The following ZNF713 variants were observed in gnomAD, a reference collection of about 807,000 sequenced individuals.
The protein encoded by ZNF713 is zinc finger protein 713.
ZNF713 carries 21 observed loss-of-function variants against 28.7 expected under a neutral mutation model. That is an observed-to-expected ratio of 0.73 (90% confidence interval 0.52 to 1.05). ZNF713 has a LOEUF of 1.05. ZNF713 is among the 50% of genes least tolerant of loss of function. ZNF713 has a pLI of 0.00. For missense variants in ZNF713, 458 were observed against 532.4 expected (o/e 0.86, Z 1.37); for synonymous variants, 167 against 178.0 (o/e 0.94, Z 0.49).
At chr7:55,916,492 T>A (rs1315036173) in intron 4 of ZNF713, among the ~76,000 whole-genome samples, 1 of 152,248 alleles carries the variant, frequency 6.6e-6, no homozygotes, top group Non-Finnish European at 1.5e-5. Context: ...ATTTACCCAG[T>A]TATGCTGTTT....
chr7:55,932,037 A>G (rs998646950), intron 6 of ZNF713, among the ~76,000 whole-genome samples: 11 of 152,330 alleles, frequency 7.2e-5, no homozygotes, highest in African/African-American at 2.6e-4. Flanking sequence ...GGCTGAAAAG[A>G]AAGTGTTCCA....
At chr7:55,933,427 C>G (rs1056352235) in intron 6 of ZNF713, among the ~76,000 whole-genome samples, 2 of 151,470 alleles carry the variant, frequency 1.3e-5, no homozygotes, top group African/African-American at 4.8e-5. Flanking sequence ...TCCCGAGTAG[C>G]TGGGATTACA....
intron 6 of ZNF713, among the ~76,000 whole-genome samples, chr7:55,932,453 A>T (rs1378267452): frequency 4.7e-5 from 7 of 150,044 alleles, no homozygotes; most frequent in African/African-American, 1.7e-4. Context: ...TGAGCCCAGG[A>T]GGTCAAAGCT....
chr7:55,892,550 C>T (rs995635321), intron 1 of ZNF713, among the ~76,000 whole-genome samples: 1 of 87,298 alleles, frequency 1.1e-5, no homozygotes, highest in Non-Finnish European at 2.1e-5. Flanking sequence ...CTGAAAAGCA[C>T]TGACCAAAAA....
intron 1 of ZNF713, among the ~76,000 whole-genome samples, chr7:55,902,031 A>G (rs1452043094): frequency 1.3e-5 from 2 of 152,154 alleles, no homozygotes; most frequent in Non-Finnish European, 2.9e-5. Flanking sequence ...TCTCTACTAA[A>G]AATACAAAAA....
chr7:55,905,842 G>C (rs1273322582), intron 1 of ZNF713, among the ~76,000 whole-genome samples: 1 of 151,942 alleles, frequency 6.6e-6, no homozygotes, highest in Non-Finnish European at 1.5e-5. Flanking sequence ...GGTGGCTCAT[G>C]CCTGTAATCC....
intron 1 of ZNF713, among the ~76,000 whole-genome samples, chr7:55,898,480 T>C (rs1584297487): frequency 6.6e-6 from 1 of 152,194 alleles, no homozygotes; most frequent in African/African-American, 2.4e-5. Flanking sequence ...CTTACAAGCA[T>C]GGCAGAAGGC....
intron 6 of ZNF713, among the ~76,000 whole-genome samples, chr7:55,929,748 C>CA (rs767798285): frequency 0.021 from 2,905 of 135,162 alleles, 36 homozygotes; most frequent in South Asian, 0.063. Context: ...GAGCAAGACT[C>CA]AAAAAAAAAA....
chr7:55,905,319 G>A (rs1785659456), intron 1 of ZNF713, among the ~76,000 whole-genome samples: 1 of 152,072 alleles, frequency 6.6e-6, no homozygotes, highest in Non-Finnish European at 1.5e-5. Context: ...GCTCTCTGGT[G>A]GAACCTGGAT....
At chr7:55,889,170 C>T (rs533098462) in intron 1 of ZNF713, among the ~76,000 whole-genome samples, 61 of 148,928 alleles carry the variant, frequency 4.1e-4, no homozygotes, top group Admixed American at 4.1e-3. Flanking sequence ...GGTGTGATCT[C>T]CGCTCACCGC....
intron 1 of ZNF713, among the ~76,000 whole-genome samples, chr7:55,891,806 G>A (rs903152234): frequency 2.6e-5 from 4 of 151,880 alleles, no homozygotes; most frequent in African/African-American, 9.7e-5. Context: ...AGGAACAAAA[G>A]TATAATGTGA....
At chr7:55,935,814 G>T (rs1431914948) in intron 6 of ZNF713, among the ~76,000 whole-genome samples, 4 of 151,842 alleles carry the variant, frequency 2.6e-5, no homozygotes, top group Admixed American at 2.6e-4. Flanking sequence ...AATTAGCCGA[G>T]TGTGGTGGCG....
Position 55,939,103 on chromosome 7 carries a change from A to G in ZNF713, c.429A>G (p.Leu143=). The change falls in exon 7 of 7, where the codon CTA becomes CTG. Residue 143 remains leucine, a synonymous_variant. Coordinates refer to ENST00000429591, the MANE Select transcript of ZNF713 (RefSeq NM_182633.3). ...LAGDSFWYSI[L]GGLWDFDYHP... The stretch of plus-strand genomic sequence containing the variant: ...GAGACAGCTTCTGGTACTCCATCCT[A>G]GGAGGACTCTGGGATTTTGATTACC... 1.9e-6 allele frequency: 3 copies of G among 1,614,072 alleles called. No individual in the cohort carries two copies. The highest frequency in any genetic ancestry group is 2.5e-6 in the Non-Finnish European group (3 of 1,179,980).
intron 1 of ZNF713, among the ~76,000 whole-genome samples, chr7:55,900,554 A>G (rs139712095): frequency 1.3e-4 from 20 of 152,290 alleles, no homozygotes; most frequent in African/African-American, 3.8e-4. Flanking sequence ...GACAACATAG[A>G]TGAACCTGGA....
At chr7:55,922,399 G>A (rs891412867) in intron 4 of ZNF713, among the ~76,000 whole-genome samples, 3 of 152,020 alleles carry the variant, frequency 2.0e-5, no homozygotes, top group Non-Finnish European at 2.9e-5. Flanking sequence ...ATAGCTGGGC[G>A]TAGTGGTGCA....
intron 1 of ZNF713, among the ~76,000 whole-genome samples, chr7:55,893,483 A>G (rs1415102140): frequency 2.0e-5 from 3 of 152,096 alleles, no homozygotes; most frequent in Non-Finnish European, 2.9e-5. Flanking sequence ...CATATAATGT[A>G]TTTATGGCCA....
Position 55,902,539 on chromosome 7 carries a change from G to A in ZNF713, c.-582-3714G>A, listed in dbSNP as rs76916641. Among the ~76,000 whole-genome samples, 1,319 of 152,266 alleles carry A rather than the reference G, an allele frequency of 8.7e-3. 21 individuals carry two copies. The highest frequency in any genetic ancestry group is 0.03 in the African/African-American group (1,256 of 41,552). On this transcript the variant is annotated intron_variant, in intron 1 of 6. Coordinates refer to ENST00000429591, the MANE Select transcript of ZNF713 (RefSeq NM_182633.3). ...CATCTTACTACACAATCAAAATGGCGTTGATGGTAATGAACTCCAGAGCCT... is the reference window on the plus strand; with the variant it reads ...CATCTTACTACACAATCAAAATGGCATTGATGGTAATGAACTCCAGAGCCT...
chr7:55,933,003 TGAG>T (rs774551170), intron 6 of ZNF713, among the ~76,000 whole-genome samples: 21 of 151,356 alleles, frequency 1.4e-4, no homozygotes, highest in Non-Finnish European at 2.1e-4. Context: ...TTTGGGAGGT[TGAG>T]GAGGGCGAAT....
intron 1 of ZNF713, among the ~76,000 whole-genome samples, 151 bp downstream of exon 1, chr7:55,887,831 CG>C (rs1249168148): frequency 0.14 from 440 of 3,092 alleles, 144 homozygotes; most frequent in South Asian, 0.39. Flanking sequence ...CGGCGGGCGG[CG>C]GGCGGCGGGC....
Sources: gnomAD v4.1 joint callset for allele counts (sites outside exome capture counted in the v4.1 genomes callset) on GRCh38, gnomAD v4.1.1 for gene constraint, MANE v1.5 for transcripts, NCBI Gene and HGNC (gene_info 2026-07-23, HGNC 2026-07-21) for gene names.